Variants in IDO2 observed in about 807,000 individuals in gnomAD.
The protein encoded by IDO2 is indoleamine 2,3-dioxygenase-like 1 protein.
A neutral mutation model predicts 45.1 loss-of-function variants in IDO2; 46 were observed. The observed-to-expected ratio is 1.02, with a 90% CI of 0.80 to 1.30. The LOEUF (loss-of-function observed/expected upper bound fraction) is 1.30, where lower values mean the gene tolerates loss of function less well. Ranked by LOEUF, IDO2 falls within the 50% of genes most tolerant of loss-of-function variation. IDO2 has a pLI of 0.00. For synonymous variants in IDO2, 218 were observed against 184.9 expected, an observed-to-expected ratio of 1.18 and a Z score of -1.45; for missense variants, 544 against 491.8, an observed-to-expected ratio of 1.11 and a Z score of -1.00.
intron 8 of IDO2, among the ~76,000 whole-genome samples, chr8:40,001,224 G>C (rs1014646344): frequency 7.2e-6 from 1 of 138,372 alleles, no homozygotes; most frequent in Non-Finnish European, 1.6e-5. Context: ...CCTATTTTCT[G>C]TAAAATATGT....
chr8:40,004,161 T>C lies in IDO2; in HGVS notation c.668-1166T>C, dbSNP rs118162234. ...AAAAAGATGTAGAAGTAGGACCCAG[T>C]AAAAATCTAGCGCATGGGGCATTGT... On this transcript the variant is annotated intron_variant, in intron 8 of 10. Transcript: ENST00000502986. Among the ~76,000 whole-genome samples the C allele has an allele frequency of 2.6e-3, 403 of 152,218 alleles. 2 individuals are homozygous for C. Among genetic ancestry groups the C allele is most frequent in the Non-Finnish European group, 3.9e-3 (262 of 68,012 alleles).
rs113170706 is a variant in IDO2, at chr8:39,936,978, A to G, written c.-18+1760A>G. Among the ~76,000 whole-genome samples, 671 of 152,360 alleles carry G rather than the reference A, an allele frequency of 4.4e-3. 1 individual carries two copies. Among genetic ancestry groups the G allele is most frequent in the Non-Finnish European group, 7.7e-3 (522 of 68,034 alleles). ...GAGAGGAAAGACATCTTTTAAAAGAAGAATAATCATGACTAGTTTAATCAT... is the reference window on the plus strand; with the variant it reads ...GAGAGGAAAGACATCTTTTAAAAGAGGAATAATCATGACTAGTTTAATCAT... On this transcript the variant is annotated intron_variant, in intron 1 of 10. Transcript: ENST00000502986.
chr8:39,991,279 G>A (rs1206012131), intron 8 of IDO2, among the ~76,000 whole-genome samples: 1 of 152,014 alleles, frequency 6.6e-6, no homozygotes, highest in African/African-American at 2.4e-5. Flanking sequence ...ACATCAGTAG[G>A]TCTTCTGCCA....
chr8:39,991,663 C>T (rs1360523159), intron 8 of IDO2, among the ~76,000 whole-genome samples: 5 of 151,504 alleles, frequency 3.3e-5, no homozygotes, highest in South Asian at 2.1e-4. Flanking sequence ...CTCTGCCTCC[C>T]GGGTTCAAGC....
intron 2 of IDO2, 28 bp downstream of exon 2, chr8:39,949,292 G>A (rs1371541440): frequency 6.6e-7 from 1 of 1,510,998 alleles, no homozygotes; most frequent in Non-Finnish European, 9.0e-7. Flanking sequence ...GTAAGGATAG[G>A]TCAGAATATG....
intron 9 of IDO2, among the ~76,000 whole-genome samples, chr8:40,006,052 C>T (rs550185309): frequency 2.6e-5 from 4 of 152,252 alleles, no homozygotes; most frequent in African/African-American, 9.6e-5. Context: ...ACGTGGAGAC[C>T]AGGCCCTCAC....
chr8:39,976,707 A>C (rs1038861798), intron 3 of IDO2, among the ~76,000 whole-genome samples: 1 of 152,226 alleles, frequency 6.6e-6, no homozygotes, highest in African/African-American at 2.4e-5. Context: ...TAGAGGGAAA[A>C]TCACATATTT....
chr8:39,979,907 C>A (rs1341576471), intron 4 of IDO2, among the ~76,000 whole-genome samples: 1 of 152,186 alleles, frequency 6.6e-6, no homozygotes, highest in Non-Finnish European at 1.5e-5. Flanking sequence ...GCAGCCTCAA[C>A]TCCTCCCAGG....
At chr8:40,007,111 G>A (rs776437318) in intron 9 of IDO2, among the ~76,000 whole-genome samples, 1 of 151,782 alleles carries the variant, frequency 6.6e-6, no homozygotes. Flanking sequence ...AAAATGAAAG[G>A]TGGAGGCAAT....
At position 40,014,873 on chromosome 8, in the gene IDO2, G is replaced by A. The variant is rs376832750; in HGVS notation, c.869-374G>A. Among the ~76,000 whole-genome samples, 4 of 152,152 alleles carry A rather than the reference G, an allele frequency of 2.6e-5. No homozygotes were observed. The South Asian group carries it at 6.2e-4, about 24-fold the overall frequency. On this transcript the variant is annotated intron_variant, in intron 10 of 10. Coordinates refer to ENST00000502986, the Ensembl canonical transcript of IDO2. Reference sequence around the variant, plus strand: ...TGTCTGAAAAAGCAGAGAAGATTGGGCACCGTGGGTCATGCCTGTAATCCC... The same window carrying A: ...TGTCTGAAAAAGCAGAGAAGATTGGACACCGTGGGTCATGCCTGTAATCCC...
intron 7 of IDO2, among the ~76,000 whole-genome samples, chr8:39,988,896 G>C (rs537410289): frequency 6.6e-6 from 1 of 152,284 alleles, no homozygotes; most frequent in South Asian, 2.1e-4. Context: ...GGCCTTCCAA[G>C]TGTAGTTCAG....
At chr8:39,999,360 A>G (rs1585417724) in intron 8 of IDO2, among the ~76,000 whole-genome samples, 1 of 125,980 alleles carries the variant, frequency 7.9e-6, no homozygotes, top group Non-Finnish European at 1.7e-5. Context: ...GCTCAATGCA[A>G]CCTCTGCCTC....
chr8:40,003,044 C>A (rs764707207), intron 8 of IDO2, among the ~76,000 whole-genome samples: 1 of 152,132 alleles, frequency 6.6e-6, no homozygotes, highest in Non-Finnish European at 1.5e-5. Flanking sequence ...ACAGAGAACT[C>A]TTCTCTTCAA....
chr8:39,989,173 G>C lies in IDO2; in HGVS notation c.550-548G>C, dbSNP rs189891994. ...CGAGGCAGCAGGAGAGAGAGCAAAG[G>C]GGGGAGCTGCCAAACACTTTTATAC... On this transcript the variant is annotated intron_variant, in intron 7 of 10. Coordinates refer to ENST00000502986, the Ensembl canonical transcript of IDO2. Among the ~76,000 whole-genome samples, 39 of 152,176 alleles carry C rather than the reference G, an allele frequency of 2.6e-4. No individual in the cohort carries two copies. The South Asian group carries it at 5.8e-3, about 23-fold the overall frequency.
intron 1 of IDO2, among the ~76,000 whole-genome samples, chr8:39,948,292 C>T (rs915321992): frequency 3.3e-5 from 5 of 152,204 alleles, no homozygotes; most frequent in African/African-American, 9.6e-5. Flanking sequence ...AAACTACATA[C>T]AACACCTTCT....
chr8:39,940,379 G>A (rs751841051), intron 1 of IDO2, among the ~76,000 whole-genome samples: 2 of 152,212 alleles, frequency 1.3e-5, no homozygotes, highest in Non-Finnish European at 2.9e-5. Context: ...TTGGATATGG[G>A]TTCTGTTTTC....
intron 1 of IDO2, among the ~76,000 whole-genome samples, chr8:39,941,454 A>G (rs1807642012): frequency 6.6e-6 from 1 of 152,170 alleles, no homozygotes; most frequent in East Asian, 1.9e-4. Flanking sequence ...CTTAGGGGTC[A>G]GATTTTGGAC....
intron 9 of IDO2, among the ~76,000 whole-genome samples, chr8:40,010,535 A>G (rs1802295156): frequency 6.6e-6 from 1 of 152,210 alleles, no homozygotes; most frequent in East Asian, 1.9e-4. Context: ...ATAAAGACGG[A>G]AACAGGGAAA....
At chr8:40,011,971 G>T (rs1015897084) in intron 9 of IDO2, among the ~76,000 whole-genome samples, 1 of 152,176 alleles carries the variant, frequency 6.6e-6, no homozygotes, top group Admixed American at 6.5e-5. Flanking sequence ...TTTTCAGAGT[G>T]ATGTTGCCCC....
Sources: gnomAD v4.1 joint callset for allele counts (sites outside exome capture counted in the v4.1 genomes callset) on GRCh38, gnomAD v4.1.1 for gene constraint, MANE v1.5 for transcripts, NCBI Gene and HGNC (gene_info 2026-07-23, HGNC 2026-07-21) for gene names.